The following SFMBT1 variants were observed in gnomAD, a reference collection of about 807,000 sequenced individuals.
SFMBT1 encodes the protein scm-like with four MBT domains protein 1.
In SFMBT1, 32 loss-of-function variants were observed where a neutral mutation model predicts 108.7. The observed-to-expected ratio is 0.29, with a 90% CI of 0.22 to 0.40. The LOEUF is 0.40. Ranked by LOEUF, SFMBT1 falls within the 10% of genes least tolerant of loss-of-function variation. The pLI is 1.00. For synonymous variants in SFMBT1, 348 were observed against 369.5 expected (o/e 0.94, Z 0.67); for missense variants, 816 against 1,059.6 (o/e 0.77, Z 3.19).
chr3:52,929,554 T>C (rs1702795660), intron 8 of SFMBT1, among the ~76,000 whole-genome samples: 1 of 152,200 alleles, frequency 6.6e-6, no homozygotes, highest in South Asian at 2.1e-4. Context: ...GATAACTTTA[T>C]GAACTTCCTC....
intron 4 of SFMBT1, among the ~76,000 whole-genome samples, chr3:52,938,341 G>T (rs894590534): frequency 6.6e-6 from 1 of 151,934 alleles, no homozygotes; most frequent in Non-Finnish European, 1.5e-5. Context: ...TATATACTTC[G>T]TGTATATGTA....
chr3:52,930,925 C>T lies in SFMBT1; in HGVS notation c.795+16G>A, dbSNP rs1559515159. 1 of 1,608,522 alleles carries T rather than the reference C, an allele frequency of 6.2e-7. No individual in the cohort carries two copies. The highest frequency in any genetic ancestry group is 1.1e-5 in the South Asian group (1 of 90,950). ...TAAGGGGAGCAATACCGGTCTATCACATGTTTTGTTTTTACCTTAAATAAG... is the reference window on the plus strand; with the variant it reads ...TAAGGGGAGCAATACCGGTCTATCATATGTTTTGTTTTTACCTTAAATAAG... On this transcript the variant is annotated intron_variant, in intron 7 of 20. Coordinates refer to ENST00000394752, the MANE Select transcript of SFMBT1 (RefSeq NM_016329.4).
chr3:52,989,422 C>CAAAAAAAA (rs762327335), intron 1 of SFMBT1, among the ~76,000 whole-genome samples: 2 of 81,614 alleles, frequency 2.5e-5, no homozygotes, highest in Admixed American at 1.4e-4. Context: ...GACTCCATCT[C>CAAAAAAAA]AAAAAAAAAA....
At chr3:53,040,056 T>A (rs1052102116) in intron 1 of SFMBT1, among the ~76,000 whole-genome samples, 4 of 152,128 alleles carry the variant, frequency 2.6e-5, no homozygotes, top group African/African-American at 4.8e-5. Context: ...AATTACCATA[T>A]ACTATTTTTA....
intron 2 of SFMBT1, among the ~76,000 whole-genome samples, chr3:52,967,926 C>T (rs576233221): frequency 6.6e-6 from 1 of 152,236 alleles, no homozygotes; most frequent in Non-Finnish European, 1.5e-5. Flanking sequence ...GTTTTCTTTA[C>T]TAAATATGAT....
intron 1 of SFMBT1, among the ~76,000 whole-genome samples, chr3:53,038,750 T>C (rs1423292689): frequency 6.6e-6 from 1 of 152,242 alleles, no homozygotes; most frequent in Admixed American, 6.5e-5. Context: ...ATCATTATTA[T>C]GTAAGTCATT....
At chr3:52,927,904 C>T (rs999802354) in intron 9 of SFMBT1, among the ~76,000 whole-genome samples, 3 of 152,180 alleles carry the variant, frequency 2.0e-5, no homozygotes, top group African/African-American at 4.8e-5. Flanking sequence ...GGAGCCAGCA[C>T]GAACCCAGGT....
chr3:52,909,493 T>C (rs1702166286), intron 17 of SFMBT1, among the ~76,000 whole-genome samples: 1 of 152,184 alleles, frequency 6.6e-6, no homozygotes, highest in Admixed American at 6.5e-5. Context: ...TCATACTAAG[T>C]ATGGACCTTG....
At chr3:52,976,276 T>C (rs1195056994) in intron 1 of SFMBT1, among the ~76,000 whole-genome samples, 2 of 152,102 alleles carry the variant, frequency 1.3e-5, no homozygotes, top group East Asian at 1.9e-4. Flanking sequence ...AGTGTAATAT[T>C]AGCATAAGAA....
At chr3:53,039,958 G>A (rs1442818308) in intron 1 of SFMBT1, among the ~76,000 whole-genome samples, 1 of 152,152 alleles carries the variant, frequency 6.6e-6, no homozygotes, top group East Asian at 1.9e-4. Context: ...AAGTGCATTG[G>A]TGTGATCACC....
At chr3:52,976,280 A>G (rs1056010884) in intron 1 of SFMBT1, among the ~76,000 whole-genome samples, 2 of 152,174 alleles carry the variant, frequency 1.3e-5, no homozygotes, top group African/African-American at 4.8e-5. Context: ...TAATATTAGC[A>G]TAAGAAAAGA....
At chr3:52,966,336 A>AAAAAAAAAAT (rs1214815068) in intron 2 of SFMBT1, among the ~76,000 whole-genome samples, 1 of 97,734 alleles carries the variant, frequency 1.0e-5, no homozygotes, top group Non-Finnish European at 2.1e-5. Flanking sequence ...AGAAAAAAAA[A>AAAAAAAAAAT]AGGACTAAAG....
rs141317171 is a variant in SFMBT1, at chr3:53,019,060, T to G, written c.-131+26756A>C. 11 of 152,274 alleles carry G rather than the reference T, an allele frequency of 7.2e-5. No homozygotes were observed. In the East Asian group the frequency reaches 1.9e-3, roughly 27 times the overall value. The allele number at this position is 152,274 out of a possible 1,614,324, so 9.4% of individuals were successfully genotyped here. The stretch of plus-strand genomic sequence containing the variant: ...ATCCCAGCATTTTGGGAGGCTGAGG[T>G]GGAAGTATTGCTTGAGCCCAGGAGC... On this transcript the variant is annotated intron_variant, in intron 1 of 20. Coordinates refer to ENST00000394752, the MANE Select transcript of SFMBT1 (RefSeq NM_016329.4).
intron 2 of SFMBT1, among the ~76,000 whole-genome samples, chr3:52,958,088 T>C (rs914459323): frequency 1.3e-5 from 2 of 152,014 alleles, no homozygotes; most frequent in African/African-American, 4.8e-5. Context: ...ACCCAGAATC[T>C]ACAAGGAACT....
intron 1 of SFMBT1, among the ~76,000 whole-genome samples, chr3:52,971,262 AG>A (rs1704334160): frequency 6.6e-6 from 1 of 152,246 alleles, no homozygotes; most frequent in African/African-American, 2.4e-5. Flanking sequence ...AAACAAATAA[AG>A]ATCTTTTTCA....
intron 2 of SFMBT1, 145 bp from the exon 3 acceptor site, chr3:52,954,556 T>C (rs756604876): frequency 1.5e-6 from 1 of 651,096 alleles, no homozygotes; most frequent in Non-Finnish European, 2.6e-6. Context: ...TTTTGTTTTG[T>C]TTTGTTTTTG....
At chr3:52,919,196 C>A (rs1702446449) in intron 12 of SFMBT1, among the ~76,000 whole-genome samples, 1 of 152,028 alleles carries the variant, frequency 6.6e-6, no homozygotes, top group African/African-American at 2.4e-5. Context: ...AGGGTTAAAA[C>A]TATAAAACTC....
chr3:52,925,593 G>A (rs1385858545), intron 10 of SFMBT1, among the ~76,000 whole-genome samples: 1 of 152,178 alleles, frequency 6.6e-6, no homozygotes, highest in Non-Finnish European at 1.5e-5. Flanking sequence ...TTCTGGGAAG[G>A]GAGACTGTGA....
intron 1 of SFMBT1, among the ~76,000 whole-genome samples, chr3:52,978,437 A>G (rs1310525461): frequency 1.3e-5 from 2 of 152,040 alleles, no homozygotes; most frequent in African/African-American, 4.8e-5. Flanking sequence ...AGTACCCCCC[A>G]CCTACAGCCC....
Sources: gnomAD v4.1 joint callset for allele counts (sites outside exome capture counted in the v4.1 genomes callset) on GRCh38, gnomAD v4.1.1 for gene constraint, MANE v1.5 for transcripts, NCBI Gene and HGNC (gene_info 2026-07-23, HGNC 2026-07-21) for gene names.